DLC1: variants seen among roughly 807,000 people sequenced by gnomAD.
DLC1 encodes rho GTPase-activating protein 7.
DLC1 carries 54 observed loss-of-function variants against 140.3 expected under a neutral mutation model. The ratio of observed to expected loss-of-function variants is 0.38; its 90% CI spans 0.31 to 0.48. The LOEUF (loss-of-function observed/expected upper bound fraction) is 0.48, where lower values mean the gene tolerates loss of function less well. Ranked by LOEUF, DLC1 falls within the 20% of genes least tolerant of loss-of-function variation. The pLI, the probability that DLC1 is intolerant of heterozygous loss-of-function variation, is 0.96. For synonymous variants in DLC1, 986 were observed against 728.1 expected, an observed-to-expected ratio of 1.35 and a Z score of -5.70; for missense variants, 2,536 against 1,907.0, an observed-to-expected ratio of 1.33 and a Z score of -6.14.
intron 4 of DLC1, among the ~76,000 whole-genome samples, chr8:13,368,579 T>A (rs1835597665): frequency 6.6e-6 from 1 of 151,998 alleles, no homozygotes; most frequent in South Asian, 2.1e-4. Flanking sequence ...GCCAGTGTTC[T>A]GTCAGAGAGA....
chr8:13,166,748 A>G (rs1419049578), intron 5 of DLC1, among the ~76,000 whole-genome samples: 1 of 151,990 alleles, frequency 6.6e-6, no homozygotes, highest in South Asian at 2.1e-4. Flanking sequence ...CACACCTCTG[A>G]TCATGTATCT....
chr8:13,206,386 ATG>A (rs1827665536), intron 5 of DLC1, among the ~76,000 whole-genome samples: 2 of 152,326 alleles, frequency 1.3e-5, no homozygotes, highest in South Asian at 4.1e-4. Context: ...TATACAGTAA[ATG>A]TAAGCACAGA....
chr8:13,220,527 A>G (rs1280984702), intron 5 of DLC1, among the ~76,000 whole-genome samples: 4 of 152,306 alleles, frequency 2.6e-5, no homozygotes, highest in African/African-American at 9.6e-5. Context: ...ACTATCAATA[A>G]GTAAACACAT....
intron 1 of DLC1, among the ~76,000 whole-genome samples, chr8:13,585,244 C>T (rs1168033693): frequency 2.0e-5 from 3 of 152,074 alleles, no homozygotes; most frequent in East Asian, 3.9e-4. Flanking sequence ...GCAAAGTCTT[C>T]ATGGATGTGT....
At chr8:13,365,425 G>C (rs533570781) in intron 4 of DLC1, among the ~76,000 whole-genome samples, 1 of 152,200 alleles carries the variant, frequency 6.6e-6, no homozygotes, top group African/African-American at 2.4e-5. Context: ...CAGATACTAT[G>C]ATAGTTCCAG....
rs143873818 is a variant in DLC1 at position 13,214,334 on chromosome 8, C to T, written c.1348+90935G>A. On this transcript the variant is annotated intron_variant, in intron 5 of 17. Transcript: ENST00000276297. ...AATTTAGCATCCTTACATTGTTTCC[C>T]GGGTTCTTTAGGAAAGTTTCCCTTT... 3.0e-3 allele frequency: 873 copies of T among 290,958 alleles called. 1 individual carries two copies. Among genetic ancestry groups the T allele is most frequent in the Non-Finnish European group, 4.0e-3 (625 of 157,556 alleles). 18.0% of individuals were successfully genotyped at this position (290,958 alleles called of 1,614,324 possible).
rs1831505798 is a variant in DLC1, at chr8:13,285,465, C to G, written c.1348+19804G>C. Among the ~76,000 whole-genome samples the G allele has an allele frequency of 2.6e-5, 4 of 152,138 alleles. No homozygotes were observed. The South Asian group carries it at 8.3e-4, about 32-fold the overall frequency. On this transcript the variant is annotated intron_variant, in intron 5 of 17. Coordinates refer to ENST00000276297, the MANE Select transcript of DLC1 (RefSeq NM_182643.3). ...GTAAGACTTGTAGAAGTTTTCTAAT[C>G]ATCTTCTTCTGACCACATTTTAACA...
chr8:13,113,373 A>G (rs1030073597), intron 6 of DLC1, among the ~76,000 whole-genome samples: 1 of 152,222 alleles, frequency 6.6e-6, no homozygotes, highest in Non-Finnish European at 1.5e-5. Context: ...ATGGCCCAGA[A>G]CAATACGCAG....
chr8:13,134,500 G>C (rs1430827951), intron 5 of DLC1, among the ~76,000 whole-genome samples: 1 of 152,206 alleles, frequency 6.6e-6, no homozygotes, highest in Non-Finnish European at 1.5e-5. Flanking sequence ...AAAGCAGGGA[G>C]GTAATATTGG....
At chr8:13,470,830 A>T (rs776918839) in intron 2 of DLC1, among the ~76,000 whole-genome samples, 7 of 152,332 alleles carry the variant, frequency 4.6e-5, no homozygotes, top group East Asian at 3.9e-4. Context: ...CCCCATGTTC[A>T]CTGCAGCTTT....
intron 7 of DLC1, 102 bp from the exon 8 acceptor site, chr8:13,102,955 G>C: frequency 1.0e-5 from 10 of 978,016 alleles, no homozygotes; most frequent in Non-Finnish European, 3.1e-6. Flanking sequence ...GGAGTTTCTT[G>C]AAACTCAGTA....
chr8:13,291,897 C>T (rs1831770281), intron 5 of DLC1, among the ~76,000 whole-genome samples: 1 of 152,034 alleles, frequency 6.6e-6, no homozygotes, highest in Non-Finnish European at 1.5e-5. Context: ...AAAGGTTTTC[C>T]AGATGTGGAA....
At chr8:13,308,950 C>G (rs1832563244) in intron 4 of DLC1, among the ~76,000 whole-genome samples, 1 of 152,176 alleles carries the variant, frequency 6.6e-6, no homozygotes, top group South Asian at 2.1e-4. Flanking sequence ...AATAACATTT[C>G]ACACAAGCTG....
chr8:13,234,974 T>C (rs1829214053), intron 5 of DLC1, among the ~76,000 whole-genome samples: 1 of 152,122 alleles, frequency 6.6e-6, no homozygotes, highest in South Asian at 2.1e-4. Flanking sequence ...AGACTGATTC[T>C]AGGGCCTGTA....
intron 4 of DLC1, among the ~76,000 whole-genome samples, chr8:13,390,965 A>G (rs1408022737): frequency 7.0e-6 from 1 of 142,656 alleles, no homozygotes; most frequent in Non-Finnish European, 1.6e-5. Flanking sequence ...AGCCTGGGCG[A>G]CAGAGCGAGA....
At chr8:13,581,330 A>G (rs1343672564) in intron 1 of DLC1, among the ~76,000 whole-genome samples, 1 of 152,252 alleles carries the variant, frequency 6.6e-6, no homozygotes, top group African/African-American at 2.4e-5. Context: ...GCTTCTAAAT[A>G]GGTACCTTAA....
chr8:13,552,672 G>C (rs965497265), intron 1 of DLC1, among the ~76,000 whole-genome samples: 2 of 151,610 alleles, frequency 1.3e-5, no homozygotes, highest in Non-Finnish European at 3.0e-5. Flanking sequence ...AATGGAATAA[G>C]AGAAAAGCAA....
At chr8:13,586,213 G>A (rs1039744433) in intron 1 of DLC1, among the ~76,000 whole-genome samples, 2 of 152,124 alleles carry the variant, frequency 1.3e-5, no homozygotes, top group African/African-American at 4.8e-5. Context: ...CTGTTTTAAG[G>A]TGGTAAGGCT....
intron 5 of DLC1, among the ~76,000 whole-genome samples, chr8:13,246,828 T>C (rs1330631924): frequency 6.6e-6 from 1 of 152,138 alleles, no homozygotes; most frequent in East Asian, 1.9e-4. Flanking sequence ...GACATATTTC[T>C]AATATTTGTT....
Sources: allele counts gnomAD v4.1 joint callset (sites outside exome capture counted in the v4.1 genomes callset), GRCh38; gene constraint gnomAD v4.1.1; transcripts MANE v1.5; gene names NCBI Gene and HGNC (gene_info 2026-07-23, HGNC 2026-07-21).